Variants in DNAJC17 observed in about 807,000 individuals in gnomAD.
DNAJC17 encodes the protein DnaJ heat shock protein family (Hsp40) member C17.
DNAJC17 carries 35 observed loss-of-function variants against 48.1 expected under a neutral mutation model. The observed-to-expected ratio is 0.73, with a 90% CI of 0.56 to 0.96. The LOEUF (loss-of-function observed/expected upper bound fraction) is 0.96, where lower values mean the gene tolerates loss of function less well. Ranked by LOEUF, DNAJC17 falls within the 50% of genes least tolerant of loss-of-function variation. The probability of loss-of-function intolerance (pLI) is 0.00; values close to 1 mark genes in which losing one functional copy is unlikely to be tolerated. For synonymous variants in DNAJC17, 117 were observed against 142.7 expected, an observed-to-expected ratio of 0.82 and a Z score of 1.28; for missense variants, 355 against 377.1, an observed-to-expected ratio of 0.94 and a Z score of 0.48.
intron 4 of DNAJC17, among the ~76,000 whole-genome samples, chr15:40,777,904 G>T (rs1889376648): frequency 6.6e-6 from 1 of 152,164 alleles, no homozygotes; most frequent in Admixed American, 6.5e-5. Flanking sequence ...CTTGAAATGG[G>T]TTGATGTTGT....
intron 10 of DNAJC17, chr15:40,772,383 T>G (rs1033891995): frequency 1.2e-5 from 2 of 167,202 alleles, no homozygotes; most frequent in African/African-American, 4.8e-5. Context: ...GGCCTCCCTC[T>G]TTCCTCCTCT....
chr15:40,789,903 C>CAAAAAAAAAAAA lies in DNAJC17; in HGVS notation c.79-9918_79-9907dup, dbSNP rs71428311. On this transcript the variant is annotated intron_variant, in intron 1 of 10. Transcript: ENST00000220496. ...CCTGGGAGACAGAGACAGACTGTCTCAAAAAAAAAAAAAAAAAAAAAAAAA... is the reference window on the plus strand; with the variant it reads ...CCTGGGAGACAGAGACAGACTGTCTCAAAAAAAAAAAAAAAAAAAAAAAAAAAAAAAAAAAAA... 4.8e-3 allele frequency among the ~76,000 whole-genome samples: 96 copies of CAAAAAAAAAAAA among 20,016 alleles called. 2 individuals carry two copies. Among genetic ancestry groups the CAAAAAAAAAAAA allele is most frequent in the Admixed American group, 8.0e-3 (10 of 1,248 alleles). 13.1% of individuals were successfully genotyped at this position (20,016 alleles called of 152,430 possible). A position where few individuals can be genotyped will look rare whatever the true frequency, so the allele number is the denominator to read the frequency against.
chr15:40,774,241 G>T, intron 9 of DNAJC17, 115 bp downstream of exon 9: 1 of 1,206,324 alleles, frequency 8.3e-7, no homozygotes, highest in Non-Finnish European at 1.2e-6. Context: ...GCTCTAAGCT[G>T]GCCTGGAGAT....
chr15:40,789,355 C>T (rs961268739), intron 1 of DNAJC17, among the ~76,000 whole-genome samples: 2 of 151,262 alleles, frequency 1.3e-5, no homozygotes, highest in African/African-American at 4.9e-5. Flanking sequence ...CTTCACTCCC[C>T]CACAGTACTC....
At chr15:40,782,356 G>A (rs888725396) in intron 1 of DNAJC17, among the ~76,000 whole-genome samples, 7 of 152,170 alleles carry the variant, frequency 4.6e-5, no homozygotes, top group African/African-American at 1.7e-4. Context: ...AGGATTTTGA[G>A]GCTGCCGTGA....
At chr15:40,801,737 CAAAAAA>C (rs1048222450) in intron 1 of DNAJC17, among the ~76,000 whole-genome samples, 1 of 63,846 alleles carries the variant, frequency 1.6e-5, no homozygotes, top group Admixed American at 1.7e-4. Context: ...GACTCCGTCT[CAAAAAA>C]AAAAAAAAAA....
At position 40,801,090 on chromosome 15, in the gene DNAJC17, A is replaced by G. The variant is rs1245781721; in HGVS notation, c.78+6279T>C. Among the ~76,000 whole-genome samples, 4 of 152,300 alleles carry G rather than the reference A, an allele frequency of 2.6e-5. No individual in the cohort carries two copies. In the East Asian group the frequency reaches 7.7e-4, roughly 29 times the overall value. On this transcript the variant is annotated intron_variant, in intron 1 of 10. Transcript: ENST00000220496. ...GCCCTTGGTCTCCTGATTCTCAAGT[A>G]AAGTCGTTGCAGTGGTCTCTTTAGC... is the stretch of plus-strand genomic sequence containing the variant.
At chr15:40,784,042 C>T (rs1018518251) in intron 1 of DNAJC17, among the ~76,000 whole-genome samples, 33 of 151,676 alleles carry the variant, frequency 2.2e-4, no homozygotes, top group Non-Finnish European at 4.0e-4. Flanking sequence ...GCCTGGCCAA[C>T]GTGGTAAAAC....
rs568893913 is a variant in DNAJC17 at position 40,767,550 on chromosome 15, G to A, written c.*390C>T. Reference sequence around the variant, plus strand: ...GGGAGAGGGCAGTGCCCGGTGCCCTGGTGCTCCCAGCTGCCCTCCTGCTTC... The same window carrying A: ...GGGAGAGGGCAGTGCCCGGTGCCCTAGTGCTCCCAGCTGCCCTCCTGCTTC... On this transcript the variant is annotated 3_prime_UTR_variant, in exon 11 of 11. Coordinates refer to ENST00000220496, the MANE Select transcript of DNAJC17 (RefSeq NM_018163.3). The A allele has an allele frequency of 3.1e-6, 2 of 641,082 alleles. No homozygotes were observed. Among genetic ancestry groups the A allele is most frequent in the Admixed American group, 7.2e-5 (2 of 27,722 alleles). 39.7% of individuals were successfully genotyped at this position (641,082 alleles called of 1,614,324 possible). A position where few individuals can be genotyped will look rare whatever the true frequency, so the allele number is the denominator to read the frequency against.
chr15:40,799,857 T>C (rs1011876158), intron 1 of DNAJC17, among the ~76,000 whole-genome samples: 12 of 152,158 alleles, frequency 7.9e-5, no homozygotes, highest in Non-Finnish European at 1.5e-4. Context: ...TCTTTTTACT[T>C]TTTATTTTTA....
intron 1 of DNAJC17, among the ~76,000 whole-genome samples, chr15:40,801,580 C>T (rs1295474073): frequency 1.3e-5 from 2 of 152,008 alleles, no homozygotes; most frequent in East Asian, 1.9e-4. Flanking sequence ...GGTGAAACCC[C>T]GTCTCTACTA....
intron 1 of DNAJC17, chr15:40,792,336 C>G (rs1417107949): frequency 2.8e-5 from 14 of 492,532 alleles, no homozygotes; most frequent in Non-Finnish European, 3.4e-5. Context: ...ACCTCCCTCC[C>G]AGAAAATGTC....
At chr15:40,792,705 G>T in intron 1 of DNAJC17, 1 of 163,124 alleles carries the variant, frequency 6.1e-6, no homozygotes, top group Non-Finnish European at 1.3e-5. Flanking sequence ...TGTGGTCCCA[G>T]CCTGGAGGAC....
Position 40,773,808 on chromosome 15 carries a change from C to T in DNAJC17, c.711G>A (p.Leu237=), listed in dbSNP as rs752178152. The change falls in exon 10 of 11, where the codon CTG becomes CTA. Residue 237 remains leucine (L), a synonymous_variant. Transcript: ENST00000220496. The part of the protein sequence containing the change: ...AELAVQNEVG[L]VDNPLKISWL... ...AGGAAATCTTCAGAGGGTTATCCAC[C>T]AGGCCAACTTCATTCTGGACAGCCA... 5.6e-6 allele frequency: 9 copies of T among 1,614,098 alleles called. No individual in the cohort carries two copies. The highest frequency in any genetic ancestry group is 7.6e-6 in the Non-Finnish European group (9 of 1,179,970).
At chr15:40,797,887 A>G (rs543227360) in intron 1 of DNAJC17, among the ~76,000 whole-genome samples, 135 of 151,008 alleles carry the variant, frequency 8.9e-4, no homozygotes, top group Non-Finnish European at 1.4e-3. Context: ...ACGCCTGGCT[A>G]GTTTTTCTAT....
At chr15:40,797,928 G>A (rs1374193577) in intron 1 of DNAJC17, among the ~76,000 whole-genome samples, 1 of 151,234 alleles carries the variant, frequency 6.6e-6, no homozygotes, top group Non-Finnish European at 1.5e-5. Flanking sequence ...CATCATGTTG[G>A]CAAGGCTGGT....
chr15:40,767,348 G>A lies in DNAJC17; in HGVS notation c.*592C>T. 2 of 1,596,870 alleles carry A rather than the reference G, an allele frequency of 1.3e-6. No homozygotes were observed. Among genetic ancestry groups the A allele is most frequent in the Non-Finnish European group, 1.7e-6 (2 of 1,173,044 alleles). ...CTGGTGTGGTGTCTGCACAAGGAGT[G>A]ACCTTCTCATGCTGATTTGCAGACG... On this transcript the variant is annotated 3_prime_UTR_variant, in exon 11 of 11. Transcript: ENST00000220496.
chr15:40,776,299 A>C lies in DNAJC17; in HGVS notation c.382-7T>G, dbSNP rs749766305. On this transcript the variant is annotated splice_polypyrimidine_tract_variant and splice_region_variant and intron_variant, in intron 5 of 10. Coordinates refer to ENST00000220496, the MANE Select transcript of DNAJC17 (RefSeq NM_018163.3). ...CTTCTCTCAGGCGTTCGATCTGCAGAGCAGGGGGTGGGGGTGACAATTCTG... is the reference window on the plus strand; with the variant it reads ...CTTCTCTCAGGCGTTCGATCTGCAGCGCAGGGGGTGGGGGTGACAATTCTG... 2.2e-5 allele frequency: 35 copies of C among 1,613,542 alleles called. No homozygotes were observed. Among genetic ancestry groups the C allele is most frequent in the Non-Finnish European group, 2.0e-5 (24 of 1,179,786 alleles).
At chr15:40,804,300 A>G (rs1421162657) in intron 1 of DNAJC17, among the ~76,000 whole-genome samples, 2 of 151,582 alleles carry the variant, frequency 1.3e-5, no homozygotes, top group Non-Finnish European at 2.9e-5. Flanking sequence ...AATTATGGGC[A>G]GGGCACAGTG....
Sources: allele counts gnomAD v4.1 joint callset (sites outside exome capture counted in the v4.1 genomes callset), GRCh38; gene constraint gnomAD v4.1.1; transcripts MANE v1.5; gene names NCBI Gene and HGNC (gene_info 2026-07-23, HGNC 2026-07-21).